The following B3GALT1 variants were observed in gnomAD, a reference collection of about 807,000 sequenced individuals.
The protein encoded by B3GALT1 is UDP-Gal:betaGlcNAc beta 1,3-galactosyltransferase, polypeptide 1.
B3GALT1 carries 10 observed loss-of-function variants against 23.2 expected under a neutral mutation model. That is an observed-to-expected ratio of 0.43 (90% CI 0.27 to 0.73). B3GALT1 has a LOEUF of 0.73. B3GALT1 is among the 30% of genes least tolerant of loss of function. The pLI, the probability that B3GALT1 is intolerant of heterozygous loss-of-function variation, is 0.21. For missense variants in B3GALT1, 299 were observed against 405.4 expected, an observed-to-expected ratio of 0.74 and a Z score of 2.25; for synonymous variants, 156 against 141.5, an observed-to-expected ratio of 1.10 and a Z score of -0.73.
chr2:167,694,787 T>C (rs1382495287), intron 3 of B3GALT1, among the ~76,000 whole-genome samples: 1 of 152,166 alleles, frequency 6.6e-6, no homozygotes, highest in Non-Finnish European at 1.5e-5. Context: ...TACCTCTTAA[T>C]GGTGGTAATG....
chr2:167,410,401 G>A (rs1313988458), intron 1 of B3GALT1, among the ~76,000 whole-genome samples: 1 of 150,914 alleles, frequency 6.6e-6, no homozygotes, highest in African/African-American at 2.4e-5. Flanking sequence ...TGAGGCAAGA[G>A]AATGGTGTGA....
intron 2 of B3GALT1, among the ~76,000 whole-genome samples, chr2:167,600,536 C>T (rs898358601): frequency 1.3e-5 from 2 of 152,162 alleles, no homozygotes; most frequent in Non-Finnish European, 2.9e-5. Context: ...CACCATCCTC[C>T]CCACCCACTC....
At chr2:167,517,345 GAA>G (rs1700112777) in intron 2 of B3GALT1, among the ~76,000 whole-genome samples, 1 of 151,774 alleles carries the variant, frequency 6.6e-6, no homozygotes, top group Non-Finnish European at 1.5e-5. Context: ...ATTTTTGAAT[GAA>G]GATACAATTT....
intron 3 of B3GALT1, among the ~76,000 whole-genome samples, chr2:167,666,654 T>C (rs1433067495): frequency 2.0e-5 from 3 of 152,176 alleles, no homozygotes; most frequent in Non-Finnish European, 4.4e-5. Context: ...TGCATATATA[T>C]TTGGGATAGT....
At chr2:167,323,545 G>C (rs1447657402) in intron 1 of B3GALT1, among the ~76,000 whole-genome samples, 6 of 151,144 alleles carry the variant, frequency 4.0e-5, no homozygotes, top group African/African-American at 1.5e-4. Flanking sequence ...GGGATACTAA[G>C]AATGAGTATG....
intron 3 of B3GALT1, among the ~76,000 whole-genome samples, chr2:167,683,357 A>G (rs1041356119): frequency 1.3e-5 from 2 of 152,196 alleles, no homozygotes; most frequent in Non-Finnish European, 2.9e-5. Context: ...GCCCCTCTGC[A>G]GTACCAGCCA....
chr2:167,638,437 T>C (rs570213914), intron 2 of B3GALT1, among the ~76,000 whole-genome samples: 1 of 152,170 alleles, frequency 6.6e-6, no homozygotes, highest in African/African-American at 2.4e-5. Flanking sequence ...TGGCTTTCCA[T>C]AGTCAGCAGT....
intron 3 of B3GALT1, among the ~76,000 whole-genome samples, chr2:167,675,614 C>G (rs528949310): frequency 6.6e-6 from 1 of 152,284 alleles, no homozygotes; most frequent in South Asian, 2.1e-4. Context: ...TGTTACTGTC[C>G]TGTGATGTTA....
At chr2:167,614,853 AATAG>A (rs2105434690) in intron 2 of B3GALT1, among the ~76,000 whole-genome samples, 1 of 152,152 alleles carries the variant, frequency 6.6e-6, no homozygotes, top group South Asian at 2.1e-4. Context: ...AAAATAGATC[AATAG>A]ATAGATGGAT....
chr2:167,744,992 A>C (rs1687631507), intron 3 of B3GALT1, among the ~76,000 whole-genome samples: 2 of 152,010 alleles, frequency 1.3e-5, no homozygotes, highest in South Asian at 4.2e-4. Flanking sequence ...CATTTATTTT[A>C]ATTGCTAATA....
chr2:167,494,330 T>G (rs568629176), intron 2 of B3GALT1, among the ~76,000 whole-genome samples: 67 of 150,736 alleles, frequency 4.4e-4, no homozygotes, highest in African/African-American at 1.6e-3. Flanking sequence ...AGAGTGAGAC[T>G]CCTCTCAAAA....
chr2:167,434,983 T>C (rs1031053539), intron 1 of B3GALT1, among the ~76,000 whole-genome samples: 1 of 152,030 alleles, frequency 6.6e-6, no homozygotes, highest in Non-Finnish European at 1.5e-5. Context: ...ACTTACAAAG[T>C]AGAATGAAAA....
At chr2:167,381,280 C>T (rs981468645) in intron 1 of B3GALT1, among the ~76,000 whole-genome samples, 9 of 152,076 alleles carry the variant, frequency 5.9e-5, no homozygotes, top group African/African-American at 1.7e-4. Flanking sequence ...AGGCTGGTCC[C>T]GAACTCCTGG....
intron 2 of B3GALT1, among the ~76,000 whole-genome samples, chr2:167,579,931 T>G (rs1419424846): frequency 6.6e-6 from 1 of 151,984 alleles, no homozygotes; most frequent in African/African-American, 2.4e-5. Flanking sequence ...CATAGGTGAT[T>G]GATAGTGATT....
chr2:167,565,182 G>A (rs112577661), intron 2 of B3GALT1, among the ~76,000 whole-genome samples: 44,419 of 151,672 alleles, frequency 0.29, 7,172 homozygotes, highest in East Asian at 0.72. Flanking sequence ...GAACAGAACA[G>A]AGCCCTCAGA....
chr2:167,341,263 G>C lies in B3GALT1; in HGVS notation c.-511+47929G>C, dbSNP rs532796496. Among the ~76,000 whole-genome samples, 5 of 152,322 alleles carry C rather than the reference G, an allele frequency of 3.3e-5. No individual in the cohort carries two copies. In the South Asian group the frequency reaches 1.0e-3, roughly 32 times the overall value. The stretch of plus-strand genomic sequence containing the variant: ...AGTACTTTATTCCAGGCTTCAGTGA[G>C]ATGTGAGTGTATTAAGATCAGATGA... On this transcript the variant is annotated intron_variant, in intron 1 of 4. Transcript: ENST00000392690.
At chr2:167,805,219 G>GAATCTACA (rs1310946186) in intron 3 of B3GALT1, among the ~76,000 whole-genome samples, 1 of 152,100 alleles carries the variant, frequency 6.6e-6, no homozygotes, top group Admixed American at 6.6e-5. Flanking sequence ...TGTAGATTCT[G>GAATCTACA]GATATTAGCC....
intron 3 of B3GALT1, among the ~76,000 whole-genome samples, chr2:167,766,880 G>A (rs1266064654): frequency 1.3e-5 from 2 of 152,166 alleles, no homozygotes; most frequent in South Asian, 4.2e-4. Context: ...CTTAAGCATC[G>A]CCCCAAAAAC....
chr2:167,739,243 T>C (rs2105274147), intron 3 of B3GALT1, among the ~76,000 whole-genome samples: 1 of 152,380 alleles, frequency 6.6e-6, no homozygotes, highest in Non-Finnish European at 1.5e-5. Flanking sequence ...AATTTCTGAA[T>C]TTAAGACTCA....
Sources: gnomAD v4.1 joint callset for allele counts (sites outside exome capture counted in the v4.1 genomes callset) on GRCh38, gnomAD v4.1.1 for gene constraint, MANE v1.5 for transcripts, NCBI Gene and HGNC (gene_info 2026-07-23, HGNC 2026-07-21) for gene names.